SBNO2: variants seen among roughly 807,000 people sequenced by gnomAD.
SBNO2 encodes protein strawberry notch homolog 2.
Under a neutral mutation model 146.3 loss-of-function variants are expected in SBNO2, and 89 were observed. That is an observed-to-expected ratio of 0.61 (90% CI 0.51 to 0.73). The LOEUF is 0.73. Ranked by LOEUF, SBNO2 falls within the 30% of genes least tolerant of loss-of-function variation. The pLI is 0.00. For synonymous variants in SBNO2, 1,147 were observed against 892.6 expected (o/e 1.29, Z -5.08); for missense variants, 2,092 against 2,003.7 (o/e 1.04, Z -0.84).
At chr19:1,167,343 C>T (rs1385756411) in intron 1 of SBNO2, among the ~76,000 whole-genome samples, 2 of 152,268 alleles carry the variant, frequency 1.3e-5, no homozygotes, top group Non-Finnish European at 2.9e-5. Context: ...GTCAGAGGTC[C>T]AGGTGGGCTG....
chr19:1,141,119 C>T (rs971491279), intron 4 of SBNO2, among the ~76,000 whole-genome samples: 5 of 151,800 alleles, frequency 3.3e-5, no homozygotes, highest in African/African-American at 7.2e-5. Context: ...ACACGCGCCC[C>T]GGAGAAGAGG....
chr19:1,162,047 C>T (rs960524343), intron 1 of SBNO2, among the ~76,000 whole-genome samples: 10 of 150,940 alleles, frequency 6.6e-5, no homozygotes, highest in Middle Eastern at 6.8e-3. Context: ...CCTTTGCAGG[C>T]GCCCTCCTGG....
At chr19:1,146,083 A>T (rs1275522133) in intron 4 of SBNO2, among the ~76,000 whole-genome samples, 4 of 152,136 alleles carry the variant, frequency 2.6e-5, no homozygotes, top group South Asian at 2.1e-4. Context: ...CCCGGCCTCC[A>T]GCGTGGCGCC....
chr19:1,142,548 C>G (rs574534764), intron 4 of SBNO2, among the ~76,000 whole-genome samples: 3 of 151,434 alleles, frequency 2.0e-5, no homozygotes, highest in South Asian at 2.1e-4. Flanking sequence ...GGCGTGGTGG[C>G]GCACACCTAT....
chr19:1,151,812 G>A (rs1258564032), intron 2 of SBNO2, among the ~76,000 whole-genome samples: 9 of 152,112 alleles, frequency 5.9e-5, no homozygotes, highest in East Asian at 3.9e-4. Context: ...ACAGGCGCCC[G>A]CCACCACGCC....
intron 14 of SBNO2, among the ~76,000 whole-genome samples, 178 bp downstream of exon 14, chr19:1,118,833 C>A (rs2079863343): frequency 6.6e-6 from 1 of 152,006 alleles, no homozygotes; most frequent in Non-Finnish European, 1.5e-5. Flanking sequence ...GATCACACCA[C>A]AGCACTCCAG....
intron 24 of SBNO2, among the ~76,000 whole-genome samples, 152 bp from the exon 25 acceptor site, chr19:1,111,245 G>C (rs1289395627): frequency 1.3e-5 from 2 of 152,188 alleles, no homozygotes; most frequent in Non-Finnish European, 2.9e-5. Context: ...GGAGCCTTTT[G>C]CCTGACTTAC....
intron 4 of SBNO2, among the ~76,000 whole-genome samples, chr19:1,134,246 G>A (rs973301513): frequency 1.3e-5 from 2 of 150,070 alleles, no homozygotes; most frequent in Non-Finnish European, 3.0e-5. Flanking sequence ...CTCACGGGTG[G>A]ACTCACAGCT....
At chr19:1,116,130 TCA>T (rs1568564409) in intron 16 of SBNO2, 27 bp from the exon 17 acceptor site, 1 of 1,590,504 alleles carries the variant, frequency 6.3e-7, no homozygotes, top group South Asian at 1.1e-5. Context: ...GAGTTTATTC[TCA>T]CACGAGGAGC....
intron 1 of SBNO2, among the ~76,000 whole-genome samples, chr19:1,164,357 G>A (rs1180289502): frequency 6.7e-6 from 1 of 150,330 alleles, no homozygotes; most frequent in East Asian, 2.0e-4. Flanking sequence ...GACACTGTGG[G>A]GACGTCCCAG....
intron 1 of SBNO2, among the ~76,000 whole-genome samples, chr19:1,165,457 A>G (rs2080404281): frequency 6.6e-6 from 1 of 152,166 alleles, no homozygotes; most frequent in South Asian, 2.1e-4. Context: ...CCAGAGTCAG[A>G]GCCAAGTGGA....
Position 1,112,877 on chromosome 19 carries a change from C to T in SBNO2, c.2320G>A (p.Gly774Ser), listed in dbSNP as rs765446192. The change falls in exon 20 of 32, where the codon GGT becomes AGT. Residue 774 changes from glycine (G) to serine (S), a missense_variant. Coordinates refer to ENST00000361757, the MANE Select transcript of SBNO2 (RefSeq NM_014963.3). The surrounding 1 kb of genome is among the most constrained non-coding windows in gnomAD (Gnocchi z 5.9). ...AGGTTCACGTGGTCGATGGACAGAC[C>T]CTGCTCTGCCCGCGACTCGAAGGCC... ...TVAFESRAEQ[G>S]LSIDHVNLRE... 1.3e-6 allele frequency: 2 copies of T among 1,573,428 alleles called. No homozygotes were observed. The highest frequency in any genetic ancestry group is 2.7e-5 in the African/African-American group (2 of 73,894).
Position 1,108,910 on chromosome 19 carries a change from C to T in SBNO2, c.3485G>A (p.Arg1162Gln). The change falls in exon 31 of 32, where the codon CGG (arginine) becomes CAG (glutamine). Residue 1162 changes from arginine to glutamine, a missense_variant. Coordinates refer to ENST00000361757, the MANE Select transcript of SBNO2 (RefSeq NM_014963.3). Reference sequence around the variant, plus strand: ...CGCGCCGCACAGCATGTAGTGGTGCCGCAGCCGCAGCCCCTGCAGGCAGTC... The same window carrying T: ...CGCGCCGCACAGCATGTAGTGGTGCTGCAGCCGCAGCCCCTGCAGGCAGTC... The part of the protein sequence containing the change: ...GKDCLQGLRL[R>Q]HHYMLCGALL... 1 of 1,577,282 alleles carries T rather than the reference C, an allele frequency of 6.3e-7. No individual in the cohort carries two copies. The highest frequency in any genetic ancestry group is 8.6e-7 in the Non-Finnish European group (1 of 1,169,452).
At chr19:1,122,418 C>T in intron 10 of SBNO2, 50 bp downstream of exon 10, 2 of 1,533,566 alleles carry the variant, frequency 1.3e-6, no homozygotes, top group Non-Finnish European at 1.8e-6. Context: ...CCCCACTTTG[C>T]AGGGCACGGT....
chr19:1,159,760 T>C (rs1175215630), intron 1 of SBNO2, among the ~76,000 whole-genome samples: 6 of 59,410 alleles, frequency 1.0e-4, no homozygotes, highest in Admixed American at 2.5e-4. Flanking sequence ...AGCGGGGAGA[T>C]GGGGACAGCG....
At position 1,123,535 on chromosome 19, in the gene SBNO2, C is replaced by T; in HGVS notation, c.627G>A (p.Lys209=). The T allele has an allele frequency of 1.2e-6, 2 of 1,613,212 alleles. No individual in the cohort carries two copies. The highest frequency in any genetic ancestry group is 1.7e-6 in the Non-Finnish European group (2 of 1,179,604). The stretch of plus-strand genomic sequence containing the variant: ...GCTGGGTGCAGCCGGGCCACTCACA[C>T]TTGGACGGCACGTAGTCGGCGTAGG... The part of the protein sequence containing the change: ...TETYADYVPS[K]SKIGKQHPDR... The change falls in exon 7 of 32, where the codon AAG becomes AAA. Residue 209 remains lysine (K), a splice_region_variant and synonymous_variant. Coordinates refer to ENST00000361757, the MANE Select transcript of SBNO2 (RefSeq NM_014963.3).
Position 1,127,737 on chromosome 19 carries a change from T to C in SBNO2, c.308A>G (p.Asn103Ser), listed in dbSNP as rs1029475609. 1.9e-6 allele frequency: 3 copies of C among 1,613,382 alleles called. No individual in the cohort carries two copies. The highest frequency in any genetic ancestry group is 1.7e-5 in the Admixed American group (1 of 59,994). ...CACGGACGAGGAGAAGATGGAGATG[T>C]TGGAGAAGTCCTCAAAATAGGAGGA... ...QDSSYFEDFS[N>S]ISIFSSSVDS... Residue 103 changes from asparagine to serine, a missense_variant, in exon 5 of 32, where the codon AAC becomes AGC. Transcript: ENST00000361757.
chr19:1,170,023 G>A (rs1351090354), intron 1 of SBNO2, among the ~76,000 whole-genome samples: 18 of 152,178 alleles, frequency 1.2e-4, no homozygotes, highest in Non-Finnish European at 2.9e-5. Flanking sequence ...CCCCATCTGT[G>A]GACTGCCCTG....
At chr19:1,149,793 G>A (rs1046661255) in intron 2 of SBNO2, among the ~76,000 whole-genome samples, 1 of 152,212 alleles carries the variant, frequency 6.6e-6, no homozygotes, top group African/African-American at 2.4e-5. Context: ...CCGGGACCCT[G>A]CTTGGAGGCC....
Sources: allele counts gnomAD v4.1 joint callset (sites outside exome capture counted in the v4.1 genomes callset), GRCh38; gene constraint gnomAD v4.1.1; non-coding constraint Gnocchi (gnomAD v3.1); transcripts MANE v1.5; gene names NCBI Gene and HGNC (gene_info 2026-07-23, HGNC 2026-07-21).